Variants in SLC30A7 observed in about 807,000 individuals in gnomAD.
SLC30A7 encodes solute carrier family 30 member 7.
SLC30A7 carries 35 observed loss-of-function variants against 46.0 expected under a neutral mutation model. That is an observed-to-expected ratio of 0.76 (90% CI 0.58 to 1.01). The LOEUF is 1.01. Among genes scored for constraint, SLC30A7 ranks in the 50% least tolerant of loss-of-function variants. The pLI is 0.00. For synonymous variants in SLC30A7, 147 were observed against 157.8 expected, an observed-to-expected ratio of 0.93 and a Z score of 0.51; for missense variants, 464 against 451.1, an observed-to-expected ratio of 1.03 and a Z score of -0.26.
At chr1:100,958,114 A>T (rs1386594064) in intron 8 of SLC30A7, among the ~76,000 whole-genome samples, 2 of 151,988 alleles carry the variant, frequency 1.3e-5, no homozygotes, top group Non-Finnish European at 2.9e-5. Context: ...TCTTTCTCCA[A>T]CCTGGCTTTT....
At chr1:100,993,549 C>T in the SLC30A7 span, among the ~76,000 whole-genome samples, 16 of 52,914 alleles carry the variant, frequency 3.0e-4, no homozygotes, top group African/African-American at 1.0e-3. Flanking sequence ...AAGACTCTGT[C>T]GAAAATATAA....
chr1:100,935,720 T>C (rs1049174822), intron 8 of SLC30A7, among the ~76,000 whole-genome samples: 3 of 152,202 alleles, frequency 2.0e-5, no homozygotes, highest in Non-Finnish European at 1.5e-5. Context: ...TTAAGGTCTG[T>C]ATATTGTGTA....
intron 8 of SLC30A7, among the ~76,000 whole-genome samples, chr1:100,923,845 T>A (rs1351811950): frequency 2.6e-5 from 4 of 152,168 alleles, no homozygotes; most frequent in African/African-American, 9.7e-5. Flanking sequence ...TTTGGAAATC[T>A]TACTGTACCT....
chr1:100,992,275 A>G, the SLC30A7 span, among the ~76,000 whole-genome samples: 1 of 152,204 alleles, frequency 6.6e-6, no homozygotes, highest in South Asian at 2.1e-4. Flanking sequence ...TAAAAGAACG[A>G]TAAGTATATT....
At chr1:100,965,647 C>T in intron 9 of SLC30A7, 122 bp from the exon 10 acceptor site, 1 of 771,366 alleles carries the variant, frequency 1.3e-6, no homozygotes, top group Non-Finnish European at 2.2e-6. Flanking sequence ...TTCAAACATC[C>T]TCCTTTCCTT....
At chr1:100,987,143 C>G in the SLC30A7 span, among the ~76,000 whole-genome samples, 1 of 152,190 alleles carries the variant, frequency 6.6e-6, no homozygotes, top group Non-Finnish European at 1.5e-5. Context: ...TTCCCTACTA[C>G]CACCCTTGGT....
chr1:100,983,760 T>C (rs1301375570), downstream of SLC30A7, among the ~76,000 whole-genome samples: 4 of 152,220 alleles, frequency 2.6e-5, no homozygotes, highest in Non-Finnish European at 5.9e-5. Context: ...GTAAACAAGA[T>C]ATTCAGATTC....
chr1:100,926,527 T>A (rs1016347706), intron 8 of SLC30A7, among the ~76,000 whole-genome samples: 1 of 152,104 alleles, frequency 6.6e-6, no homozygotes, highest in Non-Finnish European at 1.5e-5. Context: ...GTCCCCATGA[T>A]CCAAACACCT....
chr1:100,993,008 T>G, the SLC30A7 span, among the ~76,000 whole-genome samples: 1 of 152,174 alleles, frequency 6.6e-6, no homozygotes, highest in Non-Finnish European at 1.5e-5. Context: ...AAAGTTATCT[T>G]TATTCAAAGT....
the SLC30A7 span, chr1:100,992,664 T>G: frequency 6.2e-7 from 1 of 1,613,976 alleles, no homozygotes. Context: ...ATTCTTTGAT[T>G]TTGAACAATC....
chr1:100,965,942 T>C (rs572066666), intron 10 of SLC30A7, 24 bp downstream of exon 10: 1 of 1,580,872 alleles, frequency 6.3e-7, no homozygotes, highest in African/African-American at 1.4e-5. Flanking sequence ...ACTAACTTCT[T>C]TTAAGGGCCT....
the SLC30A7 span, among the ~76,000 whole-genome samples, chr1:100,993,530 C>T: frequency 5.5e-3 from 647 of 117,792 alleles, 4 homozygotes; most frequent in African/African-American, 0.019. Context: ...CCAGCCTGGG[C>T]GACAGAGCAA....
At chr1:100,897,390 A>G (rs1557970153) in intron 2 of SLC30A7, among the ~76,000 whole-genome samples, 1 of 152,070 alleles carries the variant, frequency 6.6e-6, no homozygotes, top group Non-Finnish European at 1.5e-5. Flanking sequence ...AGGTCTTATG[A>G]AGTTGTTCTG....
chr1:100,992,730 T>A, the SLC30A7 span: 1 of 1,612,586 alleles, frequency 6.2e-7, no homozygotes, highest in Non-Finnish European at 8.5e-7. Flanking sequence ...GGTTCATAGA[T>A]CTTCCTTCCC....
chr1:100,926,758 T>C (rs968489589), intron 8 of SLC30A7, among the ~76,000 whole-genome samples: 4 of 107,000 alleles, frequency 3.7e-5, no homozygotes, highest in Admixed American at 3.5e-4. Flanking sequence ...ACCCACTCTG[T>C]GCCAGGCAAA....
rs961201792 is a variant in SLC30A7 at position 100,977,059 on chromosome 1, A to G, written c.*2202A>G. 3.9e-5 allele frequency: 6 copies of G among 152,234 alleles called. No homozygotes were observed. The highest frequency in any genetic ancestry group is 1.5e-4 in the African/African-American group (6 of 41,308). The allele number at this position is 152,234 out of a possible 1,614,324, so 9.4% of individuals were successfully genotyped here. On this transcript the variant is annotated 3_prime_UTR_variant, in exon 11 of 11. Coordinates refer to ENST00000357650, the MANE Select transcript of SLC30A7 (RefSeq NM_133496.5). Reference sequence around the variant, plus strand: ...ACCAAGTCTGAGAGAACTCTGGGATATTCTGTGGGTTTTGGCATATTAGAT... The same window carrying G: ...ACCAAGTCTGAGAGAACTCTGGGATGTTCTGTGGGTTTTGGCATATTAGAT...
chr1:100,915,121 TTTC>T (rs1251501192), intron 6 of SLC30A7, among the ~76,000 whole-genome samples: 3 of 127,794 alleles, frequency 2.3e-5, no homozygotes, highest in South Asian at 2.4e-4. Flanking sequence ...TCTTTTCTTT[TTTC>T]TTTTCTTTTC....
chr1:100,984,226 T>G (rs939018921), downstream of SLC30A7, among the ~76,000 whole-genome samples: 19 of 152,192 alleles, frequency 1.2e-4, no homozygotes, highest in African/African-American at 4.6e-4. Context: ...GCAACCCTGT[T>G]GCTTTTTTCT....
Position 100,912,127 on chromosome 1 carries a change from C to A in SLC30A7, c.400C>A (p.Pro134Thr). The A allele has an allele frequency of 6.2e-7, 1 of 1,613,778 alleles. No homozygotes were observed. Reference protein sequence around the residue: ...SEGVERALAPPDVHHERLLLV... With the variant: ...SEGVERALAPTDVHHERLLLV... Reference sequence around the variant, plus strand: ...TGTTTTCTAGAGAGCATTAGCCCCTCCAGATGTCCACCATGAGAGACTGCT... The same window carrying A: ...TGTTTTCTAGAGAGCATTAGCCCCTACAGATGTCCACCATGAGAGACTGCT... Residue 134 changes from proline (P) to threonine (T), a missense_variant, in exon 5 of 11, where the codon CCA becomes ACA. Physicochemically the swap from Pro to Thr is conservative, Grantham distance 38 (BLOSUM62 -1). Transcript: ENST00000357650.
Sources: gnomAD v4.1 joint callset for allele counts (sites outside exome capture counted in the v4.1 genomes callset) on GRCh38, gnomAD v4.1.1 for gene constraint, MANE v1.5 for transcripts, NCBI Gene and HGNC (gene_info 2026-07-23, HGNC 2026-07-21) for gene names.